The following TGFBI variants were observed in gnomAD, a reference collection of about 807,000 sequenced individuals.
TGFBI encodes the protein transforming growth factor beta induced.
Under a neutral mutation model 73.7 loss-of-function variants are expected in TGFBI, and 50 were observed. The observed-to-expected ratio is 0.68, with a 90% CI of 0.54 to 0.86. The LOEUF (loss-of-function observed/expected upper bound fraction) is 0.86. Ranked by LOEUF, TGFBI falls within the 40% of genes least tolerant of loss-of-function variation. The probability of loss-of-function intolerance (pLI) is 0.00; values close to 1 mark genes in which losing one functional copy is unlikely to be tolerated. For missense variants in TGFBI, 839 were observed against 877.0 expected, an observed-to-expected ratio of 0.96 and a Z score of 0.55; for synonymous variants, 362 against 360.5, an observed-to-expected ratio of 1.00 and a Z score of -0.05.
intron 7 of TGFBI, chr5:136,049,791 C>T: frequency 1.8e-6 from 1 of 545,606 alleles, no homozygotes; most frequent in Non-Finnish European, 3.2e-6. Flanking sequence ...CAGAATCCAG[C>T]AGCTTTTGTC....
chr5:136,034,732 A>G (rs1373128297), intron 2 of TGFBI, among the ~76,000 whole-genome samples: 1 of 152,072 alleles, frequency 6.6e-6, no homozygotes, highest in African/African-American at 2.4e-5. Flanking sequence ...GGGAAACCTA[A>G]TCTGTTTTGG....
chr5:136,029,517 G>A (rs1243305172), intron 1 of TGFBI, among the ~76,000 whole-genome samples: 1 of 152,214 alleles, frequency 6.6e-6, no homozygotes, highest in Admixed American at 6.5e-5. Flanking sequence ...GGGGGAAATG[G>A]CAACTCTTTG....
At chr5:136,049,759 A>G in intron 7 of TGFBI, 179 bp downstream of exon 7, 1 of 660,342 alleles carries the variant, frequency 1.5e-6, no homozygotes, top group African/African-American at 1.8e-5. Flanking sequence ...TCTAGCAGCC[A>G]CACTACTCTG....
chr5:136,056,594 C>T (rs1362734393), intron 11 of TGFBI, 71 bp from the exon 12 acceptor site: 4 of 1,602,878 alleles, frequency 2.5e-6, no homozygotes, highest in Non-Finnish European at 8.5e-7. Context: ...AGGAAAATAC[C>T]TCTCAGCGTG....
chr5:136,053,986 A>C lies in TGFBI; in HGVS notation c.1170A>C (p.Thr390=), dbSNP rs1580719124. 2 of 1,614,032 alleles carry C rather than the reference A, an allele frequency of 1.2e-6. No homozygotes were observed. The highest frequency in any genetic ancestry group is 1.7e-6 in the Non-Finnish European group (2 of 1,179,892). Reference sequence around the variant, plus strand: ...TGGCTGCAGAGTCTGATGTGTCCACAGCCATTGACCTTTTCAGACAAGCCG... The same window carrying C: ...TGGCTGCAGAGTCTGATGTGTCCACCGCCATTGACCTTTTCAGACAAGCCG... ...FELAAESDVS[T]AIDLFRQAGL... Residue 390 remains threonine, a synonymous_variant, in exon 9 of 17, where the codon ACA becomes ACC. Transcript: ENST00000442011.
intron 6 of TGFBI, 45 bp downstream of exon 6, chr5:136,047,465 C>T (rs1307167700): frequency 5.0e-6 from 8 of 1,609,870 alleles, no homozygotes; most frequent in African/African-American, 2.7e-5. Flanking sequence ...GGACACATTG[C>T]CTCCCAAGAG....
At position 136,062,684 on chromosome 5, in the gene TGFBI, C is replaced by G; in HGVS notation, c.2008C>G (p.Leu670Val). ...FSRASQRSVR[L>V]APVYQKLLER... is the part of the protein sequence containing the mutation. ...TCAGGCTTCCCAGAGGTCTGTGCGACTAGGTGAGTCTGGTCTGGGTTTGAA... is the reference window on the plus strand; with the variant it reads ...TCAGGCTTCCCAGAGGTCTGTGCGAGTAGGTGAGTCTGGTCTGGGTTTGAA... Residue 670 changes from leucine (L) to valine (V), a missense_variant, in exon 16 of 17, where the codon CTA (leucine) becomes GTA (valine). By Grantham distance (32) the Leu-to-Val change is conservative. Transcript: ENST00000442011. 1 of 1,567,856 alleles carries G rather than the reference C, an allele frequency of 6.4e-7. No individual in the cohort carries two copies. Among genetic ancestry groups the G allele is most frequent in the Non-Finnish European group, 8.7e-7 (1 of 1,154,602 alleles).
intron 7 of TGFBI, among the ~76,000 whole-genome samples, chr5:136,051,203 G>T (rs1401529678): frequency 2.0e-5 from 3 of 152,182 alleles, no homozygotes; most frequent in Non-Finnish European, 4.4e-5. Flanking sequence ...GCCAAGGCGG[G>T]CAGATCACTT....
chr5:136,030,391 G>A (rs1751097183), intron 1 of TGFBI, among the ~76,000 whole-genome samples: 1 of 152,160 alleles, frequency 6.6e-6, no homozygotes, highest in African/African-American at 2.4e-5. Context: ...AGTTGCTCTT[G>A]TTTCCTCTAC....
intron 16 of TGFBI, 98 bp from the exon 17 acceptor site, chr5:136,063,088 G>C: frequency 9.1e-7 from 1 of 1,096,616 alleles, no homozygotes; most frequent in South Asian, 1.3e-5. Flanking sequence ...CATGGCAGAA[G>C]GAGGCTGCTT....
intron 6 of TGFBI, 24 bp from the exon 7 acceptor site, chr5:136,049,415 C>G: frequency 6.2e-7 from 1 of 1,611,892 alleles, no homozygotes; most frequent in Non-Finnish European, 8.5e-7. Context: ...TCAGGGAGCA[C>G]TCCATCTTCT....
chr5:136,040,966 G>A (rs969319160), intron 2 of TGFBI, among the ~76,000 whole-genome samples: 8 of 152,232 alleles, frequency 5.3e-5, no homozygotes, highest in African/African-American at 1.9e-4. Context: ...AGTGGAGCAG[G>A]CCACTGCCAG....
intron 1 of TGFBI, among the ~76,000 whole-genome samples, chr5:136,029,906 T>G (rs1751086857): frequency 6.6e-6 from 1 of 152,050 alleles, no homozygotes; most frequent in Non-Finnish European, 1.5e-5. Context: ...AATAGCTGGG[T>G]TTGTAAATGT....
chr5:136,055,413 G>A (rs991004415), intron 10 of TGFBI: 2 of 357,462 alleles, frequency 5.6e-6, no homozygotes, highest in Non-Finnish European at 1.0e-5. Context: ...CATTGTCAAT[G>A]GACCTCATGT....
rs769946729 is a variant in TGFBI, at chr5:136,056,666, A to C, written c.1549A>C (p.Met517Leu). The C allele has an allele frequency of 6.2e-6, 10 of 1,613,964 alleles. No homozygotes were observed. The highest frequency in any genetic ancestry group is 8.5e-6 in the Non-Finnish European group (10 of 1,179,888). Reference protein sequence around the residue: ...DVLKGDNRFSMLVAAIQSAGL... With the variant: ...DVLKGDNRFSLLVAAIQSAGL... Reference sequence around the variant, plus strand: ...CATTTTCTGTGTGTGTATCTACAGCATGCTGGTAGCTGCCATCCAGTCTGC... The same window carrying C: ...CATTTTCTGTGTGTGTATCTACAGCCTGCTGGTAGCTGCCATCCAGTCTGC... Residue 517 changes from methionine (M) to leucine (L), a missense_variant and splice_region_variant, in exon 12 of 17, where the codon ATG (methionine) becomes CTG (leucine). Met to Leu is a conservative substitution (Grantham distance 15, BLOSUM62 2). Coordinates refer to ENST00000442011, the MANE Select transcript of TGFBI (RefSeq NM_000358.3).
In TGFBI at chr5:136,029,016, C is replaced by T; in HGVS notation, c.-40C>T. On this transcript the variant is annotated 5_prime_UTR_variant, in exon 1 of 17. Transcript: ENST00000442011. The stretch of plus-strand genomic sequence containing the variant: ...ACTTCCCTGGAGCCGCCCGCTTGCC[C>T]GTCGGTCGCTAGCTCGCTCGGTGCG... 6.6e-7 allele frequency: 1 copy of T among 1,510,840 alleles called. No homozygotes were observed. Among genetic ancestry groups the T allele is most frequent in the Non-Finnish European group, 8.8e-7 (1 of 1,136,604 alleles). The allele number at this position is 1,510,840 out of a possible 1,614,324, so 93.6% of individuals were successfully genotyped here.
chr5:136,034,089 T>G (rs1751173762), intron 2 of TGFBI, among the ~76,000 whole-genome samples: 1 of 152,176 alleles, frequency 6.6e-6, no homozygotes, highest in African/African-American at 2.4e-5. Flanking sequence ...TTTTCAGGGC[T>G]GGTTTGGGTT....
intron 11 of TGFBI, 60 bp downstream of exon 11, chr5:136,055,876 G>A: frequency 6.6e-7 from 1 of 1,519,094 alleles, no homozygotes; most frequent in South Asian, 1.3e-5. Context: ...AGTGGGATGT[G>A]GGGCCCCAGC....
At chr5:136,049,751 T>A in intron 7 of TGFBI, 171 bp downstream of exon 7, 1 of 698,426 alleles carries the variant, frequency 1.4e-6, no homozygotes, top group Non-Finnish European at 2.3e-6. Context: ...ACCGTGTCTC[T>A]AGCAGCCACA....
Sources: gnomAD v4.1 joint callset for allele counts (sites outside exome capture counted in the v4.1 genomes callset) on GRCh38, gnomAD v4.1.1 for gene constraint, MANE v1.5 for transcripts, NCBI Gene and HGNC (gene_info 2026-07-23, HGNC 2026-07-21) for gene names.